Variants in LRRC7 observed in about 807,000 individuals in gnomAD.
The protein encoded by LRRC7 is leucine rich repeat containing 7.
A neutral mutation model predicts 175.7 loss-of-function variants in LRRC7; 23 were observed. That is an observed-to-expected ratio of 0.13 (90% CI 0.09 to 0.19). The LOEUF is 0.19. Among genes scored for constraint, LRRC7 ranks in the 10% least tolerant of loss-of-function variants. LRRC7 has a pLI of 1.00. For synonymous variants in LRRC7, 685 were observed against 680.9 expected (o/e 1.01, Z -0.09); for missense variants, 1,354 against 1,904.7 (o/e 0.71, Z 5.38).
Position 69,885,012 on chromosome 1 carries a change from G to T in LRRC7, c.648-46495G>T, listed in dbSNP as rs998465763. 1.6e-3 allele frequency among the ~76,000 whole-genome samples: 226 copies of T among 145,576 alleles called. 3 individuals carry two copies. The highest frequency in any genetic ancestry group is 0.014 in the South Asian group (62 of 4,492). ...GCTTTTTGATGTGCTGCTGGATTCG[G>T]TTTGCCAGTATTTTATTGAGGATTT... On this transcript the variant is annotated intron_variant, in intron 7 of 26. Coordinates refer to ENST00000651989, the MANE Select transcript of LRRC7 (RefSeq NM_001370785.2).
chr1:70,011,958 C>A, intron 12 of LRRC7, 32 bp downstream of exon 12: 1 of 1,510,446 alleles, frequency 6.6e-7, no homozygotes, highest in Non-Finnish European at 9.2e-7. Context: ...TATTTATTAA[C>A]TTTTAATTAA....
At chr1:69,923,086 C>T (rs531562593) in intron 7 of LRRC7, among the ~76,000 whole-genome samples, 7 of 152,014 alleles carry the variant, frequency 4.6e-5, no homozygotes, top group African/African-American at 9.7e-5. Context: ...TTTGTCCTTG[C>T]GATAGTTTAT....
At chr1:70,119,368 A>G (rs9970462) in intron 26 of LRRC7, among the ~76,000 whole-genome samples, 21,462 of 152,032 alleles carry the variant, frequency 0.14, 2,268 homozygotes, top group African/African-American at 0.29. Context: ...TACATGCGGC[A>G]TTTTATGTTA....
At chr1:69,734,770 A>C (rs1667934601) in intron 2 of LRRC7, among the ~76,000 whole-genome samples, 1 of 151,924 alleles carries the variant, frequency 6.6e-6, no homozygotes, top group Admixed American at 6.6e-5. Flanking sequence ...AATAGGAAGC[A>C]ATTAGCAATA....
At position 69,944,643 on chromosome 1, in the gene LRRC7, A is replaced by G. The variant is rs12071441; in HGVS notation, c.711+13073A>G. Among the ~76,000 whole-genome samples the G allele has an allele frequency of 3.4e-3, 518 of 151,870 alleles. 2 individuals are homozygous for G. The highest frequency in any genetic ancestry group is 0.012 in the African/African-American group (489 of 41,446). ...CCACCAACAGTACATAAGAGTTCCA[A>G]TTTCCCCCACATCCTTGCCAACACT... is the stretch of plus-strand genomic sequence containing the variant. On this transcript the variant is annotated intron_variant, in intron 8 of 26. Transcript: ENST00000651989.
At chr1:69,869,117 G>A (rs918911260) in intron 7 of LRRC7, among the ~76,000 whole-genome samples, 6 of 151,942 alleles carry the variant, frequency 3.9e-5, no homozygotes, top group Non-Finnish European at 8.8e-5. Context: ...AGCCCACAAC[G>A]GGGAGTGATG....
chr1:70,046,039 A>T (rs903208293), intron 22 of LRRC7, among the ~76,000 whole-genome samples: 1 of 152,172 alleles, frequency 6.6e-6, no homozygotes, highest in Non-Finnish European at 1.5e-5. Context: ...GAATTTCAAA[A>T]TTCAGTGAAC....
rs967849844 is a variant in LRRC7, at chr1:70,141,780, T to C, written c.*19893T>C. On this transcript the variant is annotated 3_prime_UTR_variant, in exon 27 of 27. Transcript: ENST00000651989. ...TCCTATATTAAGAAAAGGTTTCTTA[T>C]ATTGAAAACTTTTATGGTGACTCAG... The C allele has an allele frequency of 6.6e-6, 1 of 152,158 alleles. No individual in the cohort carries two copies. The highest frequency in any genetic ancestry group is 6.6e-5 in the Admixed American group (1 of 15,262). 9.4% of individuals were successfully genotyped at this position (152,158 alleles called of 1,614,324 possible). A position where few individuals can be genotyped will look rare whatever the true frequency, so the allele number is the denominator to read the frequency against.
At chr1:69,883,465 G>C (rs1686846929) in intron 7 of LRRC7, among the ~76,000 whole-genome samples, 1 of 104,088 alleles carries the variant, frequency 9.6e-6, no homozygotes, top group South Asian at 2.8e-4. Flanking sequence ...GGGGTTGTTT[G>C]TTTTTTTCTT....
intron 1 of LRRC7, among the ~76,000 whole-genome samples, chr1:69,582,702 C>T (rs1646248654): frequency 1.3e-5 from 2 of 152,122 alleles, no homozygotes; most frequent in African/African-American, 2.4e-5. Context: ...CTTTGAAAGA[C>T]AGTTTTTTCC....
rs138423286 is a variant in LRRC7 at position 69,812,981 on chromosome 1, T to C, written c.422-12767T>C. 2.7e-3 allele frequency among the ~76,000 whole-genome samples: 410 copies of C among 152,162 alleles called. 1 individual carries two copies. The highest frequency in any genetic ancestry group is 9.3e-3 in the African/African-American group (386 of 41,512). On this transcript the variant is annotated intron_variant, in intron 4 of 26. Coordinates refer to ENST00000651989, the MANE Select transcript of LRRC7 (RefSeq NM_001370785.2). ...ATTGTTTTCCTAGCATTAACTTAGGTACTGTCAGGAATATCAAGAAATTGA... is the reference window on the plus strand; with the variant it reads ...ATTGTTTTCCTAGCATTAACTTAGGCACTGTCAGGAATATCAAGAAATTGA...
In LRRC7 at chr1:70,138,479, G is replaced by T. The variant is rs142859334; in HGVS notation, c.*16592G>T. 1 of 152,230 alleles carries T rather than the reference G, an allele frequency of 6.6e-6. No individual in the cohort carries two copies. The highest frequency in any genetic ancestry group is 1.9e-4 in the East Asian group (1 of 5,186). 9.4% of individuals were successfully genotyped at this position (152,230 alleles called of 1,614,324 possible). On this transcript the variant is annotated 3_prime_UTR_variant, in exon 27 of 27. Coordinates refer to ENST00000651989, the MANE Select transcript of LRRC7 (RefSeq NM_001370785.2). ...AAATATTCTAAAATGAGGGATATTG[G>T]TCCTTTTGTGACTGAGCTATATGAT... is the stretch of plus-strand genomic sequence containing the variant.
chr1:70,024,510 T>A (rs1406825571), intron 17 of LRRC7, among the ~76,000 whole-genome samples: 1 of 152,128 alleles, frequency 6.6e-6, no homozygotes, highest in East Asian at 1.9e-4. Context: ...ATTAAAGTAA[T>A]ATTTTAGTAA....
chr1:70,100,604 T>C (rs1368587201), intron 25 of LRRC7, among the ~76,000 whole-genome samples: 1 of 152,128 alleles, frequency 6.6e-6, no homozygotes, highest in African/African-American at 2.4e-5. Flanking sequence ...TTAATGAAAC[T>C]GAAATTCCTT....
At chr1:70,029,247 AC>A (rs1209438338) in intron 18 of LRRC7, among the ~76,000 whole-genome samples, 1 of 152,172 alleles carries the variant, frequency 6.6e-6, no homozygotes, top group Admixed American at 6.6e-5. Flanking sequence ...CACTTAAGAC[AC>A]ATGAAACAAT....
intron 2 of LRRC7, among the ~76,000 whole-genome samples, chr1:69,742,543 G>A (rs533607920): frequency 6.6e-6 from 1 of 152,016 alleles, no homozygotes; most frequent in Admixed American, 6.6e-5. Flanking sequence ...TTTTGTGTGT[G>A]CGTGCACACA....
At chr1:69,742,087 G>A (rs535525590) in intron 2 of LRRC7, among the ~76,000 whole-genome samples, 1 of 152,088 alleles carries the variant, frequency 6.6e-6, no homozygotes, top group Admixed American at 6.6e-5. Flanking sequence ...TGTGAGTTAT[G>A]TGACATAAAA....
chr1:69,946,137 G>A (rs372051422), intron 8 of LRRC7, among the ~76,000 whole-genome samples: 1 of 152,000 alleles, frequency 6.6e-6, no homozygotes, highest in Non-Finnish European at 1.5e-5. Context: ...TAGCATGTTG[G>A]GGTACATTTT....
intron 4 of LRRC7, among the ~76,000 whole-genome samples, chr1:69,817,505 CA>C (rs1249575854): frequency 1.3e-5 from 2 of 151,986 alleles, no homozygotes; most frequent in Middle Eastern, 3.4e-3. Flanking sequence ...GTGTTTGTGC[CA>C]ATATCAGCCC....
Sources: allele counts gnomAD v4.1 joint callset (sites outside exome capture counted in the v4.1 genomes callset), GRCh38; gene constraint gnomAD v4.1.1; transcripts MANE v1.5; gene names NCBI Gene and HGNC (gene_info 2026-07-23, HGNC 2026-07-21).